The following ZNF217 variants were observed in gnomAD, a reference collection of about 807,000 sequenced individuals.
ZNF217 encodes the protein zinc finger protein 217.
In ZNF217, 12 loss-of-function variants were observed where a neutral mutation model predicts 73.3. The observed-to-expected ratio is 0.16, with a 90% CI of 0.10 to 0.27. ZNF217 has a LOEUF of 0.27. Among genes scored for constraint, ZNF217 ranks in the 10% least tolerant of loss-of-function variants. The pLI, the probability that ZNF217 is intolerant of heterozygous loss-of-function variation, is 1.00. For synonymous variants in ZNF217, 588 were observed against 516.4 expected (o/e 1.14, Z -1.88); for missense variants, 1,195 against 1,327.8 (o/e 0.90, Z 1.55).
chr20:53,591,616 A>G (rs542450867), intron 1 of ZNF217, among the ~76,000 whole-genome samples: 97 of 152,344 alleles, frequency 6.4e-4, no homozygotes, highest in Non-Finnish European at 9.8e-4. Flanking sequence ...GAACAAAACA[A>G]TATCTAAAAT....
At position 53,583,052 on chromosome 20, in the gene ZNF217, C is replaced by A; in HGVS notation, c.-226G>T. On this transcript the variant is annotated 5_prime_UTR_variant, in exon 2 of 6. Transcript: ENST00000371471. ...AACAAGGCATACAGGGTTCCCAATGCCTCGATTCAAATATGAATCAGCACA... is the reference window on the plus strand; with the variant it reads ...AACAAGGCATACAGGGTTCCCAATGACTCGATTCAAATATGAATCAGCACA... 2.1e-6 allele frequency: 1 copy of A among 487,374 alleles called. No homozygotes were observed. The highest frequency in any genetic ancestry group is 3.6e-6 in the Non-Finnish European group (1 of 277,448). 30.2% of individuals were successfully genotyped at this position (487,374 alleles called of 1,614,324 possible). A position where few individuals can be genotyped will look rare whatever the true frequency, so the allele number is the denominator to read the frequency against.
chr20:53,577,741 ATTTTAAAATACTGTAGCT>A (rs1311726907), intron 3 of ZNF217, among the ~76,000 whole-genome samples: 1 of 152,264 alleles, frequency 6.6e-6, no homozygotes, highest in Non-Finnish European at 1.5e-5. Flanking sequence ...AAGATGCAGC[ATTTTAAAATACTGTAGCT>A]TTTAATAAGA....
intron 1 of ZNF217, among the ~76,000 whole-genome samples, chr20:53,589,045 G>C (rs1014676156): frequency 2.6e-5 from 4 of 152,212 alleles, no homozygotes; most frequent in South Asian, 4.1e-4. Flanking sequence ...TCCTAACGCT[G>C]ATTCAAGAAA....
At position 53,575,829 on chromosome 20, in the gene ZNF217, C is replaced by T. The variant is rs755339878; in HGVS notation, c.2935G>A (p.Asp979Asn). ...KPRFLSSSEVDSPNVLTVQKP... is the reference protein window; with the variant it reads ...KPRFLSSSEVNSPNVLTVQKP... ...TGAACAGTCAGCACATTTGGAGAAT[C>T]GACCTCGCTGGAGCTCAGGAACCTT... Residue 979 changes from aspartate (D) to asparagine (N), a missense_variant, in exon 4 of 6, where the codon GAT (aspartate) becomes AAT (asparagine). By Grantham distance (23) the Asp-to-Asn change is conservative. This residue lies in a region of ZNF217 where 649 missense variants were observed against 642.8 expected (regional missense o/e 1.01). Transcript: ENST00000371471. 5.0e-6 allele frequency: 8 copies of T among 1,614,066 alleles called. No homozygotes were observed. The highest frequency in any genetic ancestry group is 2.7e-5 in the African/African-American group (2 of 74,940).
At chr20:53,595,745 T>C (rs564652580), upstream of ZNF217, among the ~76,000 whole-genome samples, 1 of 152,232 alleles carries the variant, frequency 6.6e-6, no homozygotes, top group Non-Finnish European at 1.5e-5. Flanking sequence ...GATGAATACC[T>C]ATCTTTAAAA....
At chr20:53,596,397 C>G (rs1316120090), upstream of ZNF217, among the ~76,000 whole-genome samples, 5 of 152,116 alleles carry the variant, frequency 3.3e-5, no homozygotes, top group African/African-American at 9.7e-5. Flanking sequence ...GTCGTGCCAA[C>G]GAAACTGGGA....
intron 5 of ZNF217, chr20:53,570,264 C>T (rs549614794): frequency 6.5e-6 from 1 of 152,768 alleles, no homozygotes; most frequent in East Asian, 1.9e-4. Context: ...ATCTATTATC[C>T]TAAGCAGGAG....
rs1987793997 is a variant in ZNF217 at position 53,567,469 on chromosome 20, TTC to T, written c.*1817_*1818del. ...ACTTGTTTTCAAATAGATTTGGTGA[TTC>T]TTTTTTTTAAATACAGGTTTAAATT... On this transcript the variant is annotated 3_prime_UTR_variant, in exon 6 of 6. Transcript: ENST00000371471. 6.6e-6 allele frequency: 1 copy of T among 152,018 alleles called. No homozygotes were observed. The highest frequency in any genetic ancestry group is 2.4e-5 in the African/African-American group (1 of 40,868). The allele number at this position is 152,018 out of a possible 1,614,324, so 9.4% of individuals were successfully genotyped here.
intron 1 of ZNF217, among the ~76,000 whole-genome samples, chr20:53,588,586 AC>A (rs1988777570): frequency 1.2e-5 from 1 of 82,064 alleles, no homozygotes; most frequent in Non-Finnish European, 2.2e-5. Flanking sequence ...GTGTATACAC[AC>A]ATCTATCTAT....
At chr20:53,577,929 T>C (rs936774231) in intron 3 of ZNF217, among the ~76,000 whole-genome samples, 3 of 152,238 alleles carry the variant, frequency 2.0e-5, no homozygotes, top group Admixed American at 2.0e-4. Context: ...CTGGCCAGCA[T>C]GGTGAAACCC....
upstream of ZNF217, among the ~76,000 whole-genome samples, chr20:53,595,043 G>C (rs1281922101): frequency 1.6e-4 from 9 of 58,036 alleles, no homozygotes; most frequent in East Asian, 3.5e-3. Flanking sequence ...ACAAAAAAAG[G>C]GACAAAAAAA....
At chr20:53,573,837 A>C (rs1988123526) in intron 4 of ZNF217, among the ~76,000 whole-genome samples, 1 of 152,180 alleles carries the variant, frequency 6.6e-6, no homozygotes, top group Admixed American at 6.5e-5. Context: ...TTGTGAGGCC[A>C]AGACAGGAGG....
At chr20:53,578,870 A>G (rs1053812122) in intron 2 of ZNF217, among the ~76,000 whole-genome samples, 3 of 152,242 alleles carry the variant, frequency 2.0e-5, no homozygotes, top group African/African-American at 7.2e-5. Flanking sequence ...AAAATGAGCC[A>G]ATTACAAACC....
upstream of ZNF217, among the ~76,000 whole-genome samples, chr20:53,596,397 C>T (rs1316120090): frequency 3.9e-5 from 6 of 152,116 alleles, no homozygotes; most frequent in African/African-American, 1.2e-4. Flanking sequence ...GTCGTGCCAA[C>T]GAAACTGGGA....
upstream of ZNF217, among the ~76,000 whole-genome samples, chr20:53,595,285 A>G (rs1354983364): frequency 1.3e-5 from 2 of 152,234 alleles, no homozygotes; most frequent in Non-Finnish European, 2.9e-5. Flanking sequence ...AAATGGATCT[A>G]TGCAAGTCGC....
rs1047500195 is a variant in ZNF217 at position 53,569,053 on chromosome 20, G to T, written c.*235C>A. Reference sequence around the variant, plus strand: ...ATAGAGATTTCCAGTCCCCATGTATGTAAGTTCCAACTGTTCCAACTAGTT... The same window carrying T: ...ATAGAGATTTCCAGTCCCCATGTATTTAAGTTCCAACTGTTCCAACTAGTT... On this transcript the variant is annotated 3_prime_UTR_variant, in exon 6 of 6. Transcript: ENST00000371471. The T allele has an allele frequency of 7.5e-6, 8 of 1,072,540 alleles. No homozygotes were observed. The highest frequency in any genetic ancestry group is 9.4e-6 in the Non-Finnish European group (8 of 853,218). The allele number at this position is 1,072,540 out of a possible 1,614,324, so 66.4% of individuals were successfully genotyped here.
At chr20:53,573,890 G>A (rs1217308050) in intron 4 of ZNF217, among the ~76,000 whole-genome samples, 1 of 152,000 alleles carries the variant, frequency 6.6e-6, no homozygotes, top group Non-Finnish European at 1.5e-5. Context: ...GACCAACATG[G>A]CGAAATGCCG....
At chr20:53,594,785 AC>A (rs1458683855), upstream of ZNF217, among the ~76,000 whole-genome samples, 3 of 152,064 alleles carry the variant, frequency 2.0e-5, no homozygotes, top group African/African-American at 7.2e-5. Context: ...AAAAACCTTA[AC>A]GCCGTTGCTC....
In ZNF217 at chr20:53,576,719, C is replaced by T. The variant is rs777847242; in HGVS notation, c.2045G>A (p.Cys682Tyr). ...ADCRYRPSVD[C>Y]HEKPLNLSVG... is the part of the protein sequence containing the mutation. ...GGATAAATTTAAAGGTTTTTCGTGA[C>T]AATCCACACTTGGCCTGTATCTGCA... Residue 682 changes from cysteine (C) to tyrosine (Y), a missense_variant, in exon 4 of 6, where the codon TGT becomes TAT. Around this residue, in one of 9 missense-constraint regions of ZNF217, gnomAD observed 649 missense variants for 642.8 expected, o/e 1.01. Transcript: ENST00000371471. 1.2e-6 allele frequency: 2 copies of T among 1,614,190 alleles called. No homozygotes were observed. Among genetic ancestry groups the T allele is most frequent in the South Asian group, 1.1e-5 (1 of 91,082 alleles).
Sources: allele counts gnomAD v4.1 joint callset (sites outside exome capture counted in the v4.1 genomes callset), GRCh38; gene constraint gnomAD v4.1.1; regional missense constraint gnomAD v4.1.1; transcripts MANE v1.5; gene names NCBI Gene and HGNC (gene_info 2026-07-23, HGNC 2026-07-21).